The following CDHR1 variants were observed in gnomAD, a reference collection of about 807,000 sequenced individuals.
CDHR1 encodes cadherin-related family member 1.
In CDHR1, 61 loss-of-function variants were observed where a neutral mutation model predicts 72.1. The ratio of observed to expected loss-of-function variants is 0.85; its 90% CI spans 0.69 to 1.05. CDHR1 has a LOEUF of 1.05. Ranked by LOEUF, CDHR1 falls within the 50% of genes least tolerant of loss-of-function variation. The probability of loss-of-function intolerance (pLI) is 0.00; values close to 1 mark genes in which losing one functional copy is unlikely to be tolerated. For missense variants in CDHR1, 1,186 were observed against 1,115.7 expected, an observed-to-expected ratio of 1.06 and a Z score of -0.90; for synonymous variants, 470 against 448.1, an observed-to-expected ratio of 1.05 and a Z score of -0.62.
chr10:84,212,034 T>C, intron 14 of CDHR1, 145 bp from the exon 15 acceptor site: 2 of 746,016 alleles, frequency 2.7e-6, no homozygotes, highest in South Asian at 1.5e-5. Flanking sequence ...ATTGCAAGGA[T>C]AGGAGGGAGC....
In CDHR1 at chr10:84,213,251, G is replaced by A; in HGVS notation, c.1943G>A (p.Arg648Lys). 2.5e-6 allele frequency: 4 copies of A among 1,614,242 alleles called. No individual in the cohort carries two copies. The highest frequency in any genetic ancestry group is 3.4e-6 in the Non-Finnish European group (4 of 1,180,046). ...GCCCTGCACAACATCACACCTGGAA[G>A]GGACTGCCTATGGTCCCTAGAGGTG... Reference protein sequence around the residue: ...LDALHNITPGRDCLWSLEVQA... With the variant: ...LDALHNITPGKDCLWSLEVQA... Residue 648 changes from arginine to lysine, a missense_variant, in exon 16 of 17, where the codon AGG becomes AAG. Transcript: ENST00000623527.
chr10:84,200,748 C>T (rs929835219), intron 6 of CDHR1, 61 bp downstream of exon 6: 3 of 1,216,024 alleles, frequency 2.5e-6, no homozygotes, highest in Admixed American at 1.9e-5. Context: ...CTAGATGGCC[C>T]CTACCTCCAT....
intron 7 of CDHR1, 30 bp downstream of exon 7, chr10:84,201,950 T>C: frequency 1.9e-6 from 3 of 1,538,940 alleles, no homozygotes; most frequent in Non-Finnish European, 2.7e-6. Context: ...GAGCATCCAG[T>C]GTCTCCTCAG....
rs1564665556 is a variant in CDHR1, at chr10:84,213,255, C to T, written c.1947C>T (p.Asp649=). ...TGCACAACATCACACCTGGAAGGGA[C>T]TGCCTATGGTCCCTAGAGGTGCAGG... ...DALHNITPGR[D]CLWSLEVQAK... Residue 649 remains aspartate, a synonymous_variant, in exon 16 of 17, where the codon GAC becomes GAT. Coordinates refer to ENST00000623527, the MANE Select transcript of CDHR1 (RefSeq NM_033100.4). 1.2e-6 allele frequency: 2 copies of T among 1,614,268 alleles called. No individual in the cohort carries two copies. The highest frequency in any genetic ancestry group is 1.7e-6 in the Non-Finnish European group (2 of 1,180,052).
rs780115861 is a variant in CDHR1 at position 84,196,488 on chromosome 10, A to G, written c.152-17A>G. ...TGGGTCTCAGATTCTATGTCTCTCCACTGTGTTTCCTTCCAGGCTCTCACG... is the reference window on the plus strand; with the variant it reads ...TGGGTCTCAGATTCTATGTCTCTCCGCTGTGTTTCCTTCCAGGCTCTCACG... On this transcript the variant is annotated splice_polypyrimidine_tract_variant and intron_variant, in intron 2 of 16. Transcript: ENST00000623527. 2 of 1,614,136 alleles carry G rather than the reference A, an allele frequency of 1.2e-6. No homozygotes were observed. Among genetic ancestry groups the G allele is most frequent in the East Asian group, 4.5e-5 (2 of 44,884 alleles).
chr10:84,214,914 G>T lies in CDHR1; in HGVS notation c.*293G>T. On this transcript the variant is annotated 3_prime_UTR_variant, in exon 17 of 17. Coordinates refer to ENST00000623527, the MANE Select transcript of CDHR1 (RefSeq NM_033100.4). ...ACTACAATGCCCTCCATTCTTCAGG[G>T]CTGAGAATTGACGAGAAGCCAGCTC... 7.4e-7 allele frequency: 1 copy of T among 1,345,848 alleles called. No homozygotes were observed. The highest frequency in any genetic ancestry group is 9.6e-7 in the Non-Finnish European group (1 of 1,045,064). 83.4% of individuals were successfully genotyped at this position (1,345,848 alleles called of 1,614,324 possible).
At chr10:84,202,211 G>A (rs1469039767) in intron 7 of CDHR1, among the ~76,000 whole-genome samples, 1 of 152,140 alleles carries the variant, frequency 6.6e-6, no homozygotes, top group East Asian at 1.9e-4. Context: ...ATCCTCAACA[G>A]CATGGCCTCT....
In CDHR1 at chr10:84,200,636, T is replaced by C. The variant is rs767728048; in HGVS notation, c.474T>C (p.His158=). The change falls in exon 6 of 17, where the codon CAT becomes CAC. Residue 158 remains histidine, a synonymous_variant. Coordinates refer to ENST00000623527, the MANE Select transcript of CDHR1 (RefSeq NM_033100.4). ...IPAGSIIFKV[H]AVDRDTGSGG... ...CTGGGAGCATCATCTTTAAGGTCCA[T>C]GCAGTGGACAGGGACACAGGCTCTG... is the stretch of plus-strand genomic sequence containing the variant. 2 of 1,612,632 alleles carry C rather than the reference T, an allele frequency of 1.2e-6. No individual in the cohort carries two copies. The highest frequency in any genetic ancestry group is 1.7e-6 in the Non-Finnish European group (2 of 1,179,442).
In CDHR1 at chr10:84,196,757, G is replaced by A. The variant is rs751390641; in HGVS notation, c.297+107G>A. 7.7e-6 allele frequency: 10 copies of A among 1,300,474 alleles called. No individual in the cohort carries two copies. The East Asian group carries it at 2.3e-4, about 30-fold the overall frequency. 80.6% of individuals were successfully genotyped at this position (1,300,474 alleles called of 1,614,324 possible). Reference sequence around the variant, plus strand: ...GGTTAGAACCTCTCCACAGAGTAGGGGATGAGGGGGCACACCCCAGGCACA... The same window carrying A: ...GGTTAGAACCTCTCCACAGAGTAGGAGATGAGGGGGCACACCCCAGGCACA... On this transcript the variant is annotated intron_variant, in intron 3 of 16. Transcript: ENST00000623527.
At chr10:84,201,729 C>T (rs1242760123) in intron 6 of CDHR1, 78 bp from the exon 7 acceptor site, 2 of 1,182,824 alleles carry the variant, frequency 1.7e-6, no homozygotes, top group African/African-American at 3.0e-5. Context: ...GTGAGGACCC[C>T]CTTCAGAAAG....
rs539316306 is a variant in CDHR1 at position 84,208,321 on chromosome 10, C to A, written c.1111C>A (p.Pro371Thr). The A allele has an allele frequency of 1.2e-6, 2 of 1,614,112 alleles. No individual in the cohort carries two copies. The highest frequency in any genetic ancestry group is 1.7e-6 in the Non-Finnish European group (2 of 1,180,026). The change falls in exon 11 of 17, where the codon CCA becomes ACA. Residue 371 changes from proline (P) to threonine (T), a missense_variant. Coordinates refer to ENST00000623527, the MANE Select transcript of CDHR1 (RefSeq NM_033100.4). ...GTTTGAGCTGTCCATGAATGAGCAC[C>A]CACCCCAGGGAGAGATCCTGCGGGG... Reference protein sequence around the residue: ...NRFELSMNEHPPQGEILRGLK... With the variant: ...NRFELSMNEHTPQGEILRGLK...
At chr10:84,212,080 A>G in intron 14 of CDHR1, 99 bp from the exon 15 acceptor site, 1 of 1,059,736 alleles carries the variant, frequency 9.4e-7, no homozygotes, top group Non-Finnish European at 1.5e-6. Context: ...ATGACACCTC[A>G]CTCCTGCTTC....
At chr10:84,195,014 CG>C (rs1317083163) in intron 1 of CDHR1, among the ~76,000 whole-genome samples, 199 bp downstream of exon 1, 2 of 152,154 alleles carry the variant, frequency 1.3e-5, no homozygotes, top group Non-Finnish European at 2.9e-5. Context: ...TGGGGAGCTC[CG>C]GGGCGCTTCT....
At chr10:84,219,133 G>A (rs1194364248), downstream of CDHR1, 2 of 1,515,888 alleles carry the variant, frequency 1.3e-6, no homozygotes, top group Non-Finnish European at 1.8e-6. Context: ...AACAAAGTCA[G>A]TAAGAAAACC....
chr10:84,197,124 G>A (rs563216658), intron 3 of CDHR1, among the ~76,000 whole-genome samples: 5 of 152,244 alleles, frequency 3.3e-5, no homozygotes, highest in East Asian at 1.9e-4. Flanking sequence ...TTTTCAGACC[G>A]CATAGCAGCC....
In CDHR1 at chr10:84,208,378, G is replaced by A. The variant is rs753974981; in HGVS notation, c.1167+1G>A. 4 of 1,613,980 alleles carry A rather than the reference G, an allele frequency of 2.5e-6. No individual in the cohort carries two copies. The African/African-American group carries it at 5.3e-5, about 22-fold the overall frequency. On this transcript the variant is annotated splice_donor_variant, in intron 11 of 16. Coordinates refer to ENST00000623527, the MANE Select transcript of CDHR1 (RefSeq NM_033100.4). LOFTEE classifies it high-confidence loss of function. ...GATCACCGTCAATGACTCCGACCAG[G>A]TGTGTGGTCCTGCCCTCCGCTCTGC...
intron 10 of CDHR1, among the ~76,000 whole-genome samples, chr10:84,206,224 C>A (rs568717113): frequency 2.0e-5 from 3 of 152,082 alleles, no homozygotes; most frequent in Non-Finnish European, 4.4e-5. Context: ...CAGGAAAGTG[C>A]AGCAAGCCCA....
intron 3 of CDHR1, among the ~76,000 whole-genome samples, chr10:84,196,955 A>T (rs1263137217): frequency 1.3e-5 from 2 of 152,172 alleles, no homozygotes; most frequent in Non-Finnish European, 2.9e-5. Context: ...GAGGTTTCTG[A>T]AAGAAACCTC....
Position 84,214,196 on chromosome 10 carries a change from A to T in CDHR1, c.2155A>T (p.Ile719Phe), listed in dbSNP as rs772664931. The change falls in exon 17 of 17, where the codon ATC becomes TTC. Residue 719 changes from isoleucine (I) to phenylalanine (F), a missense_variant. Ile to Phe is a conservative substitution (Grantham distance 21, BLOSUM62 0). Transcript: ENST00000623527. Reference sequence around the variant, plus strand: ...CACCGTCGTGGCCATCACTGTCCTCATCTCCACCGCCACCTTCTGGCGCAA... The same window carrying T: ...CACCGTCGTGGCCATCACTGTCCTCTTCTCCACCGCCACCTTCTGGCGCAA... ...MATVVAITVLISTATFWRNKK... is the reference protein window; with the variant it reads ...MATVVAITVLFSTATFWRNKK... 14 of 1,614,104 alleles carry T rather than the reference A, an allele frequency of 8.7e-6. No individual in the cohort carries two copies. The highest frequency in any genetic ancestry group is 1.1e-5 in the Non-Finnish European group (13 of 1,180,024).
Sources: gnomAD v4.1 joint callset for allele counts (sites outside exome capture counted in the v4.1 genomes callset) on GRCh38, gnomAD v4.1.1 for gene constraint, MANE v1.5 for transcripts, NCBI Gene and HGNC (gene_info 2026-07-23, HGNC 2026-07-21) for gene names.